TVP23C: variants seen among roughly 807,000 people sequenced by gnomAD.
TVP23C encodes Golgi apparatus membrane protein TVP23 homolog C.
Under a neutral mutation model 28.7 loss-of-function variants are expected in TVP23C, and 19 were observed. The observed-to-expected ratio is 0.66, with a 90% CI of 0.46 to 0.97. The LOEUF (loss-of-function observed/expected upper bound fraction) is 0.97, where lower values mean the gene tolerates loss of function less well. Ranked by LOEUF, TVP23C falls within the 50% of genes least tolerant of loss-of-function variation. The pLI is 0.00. For missense variants in TVP23C, 186 were observed against 241.3 expected (o/e 0.77, Z 1.52); for synonymous variants, 68 against 81.7 (o/e 0.83, Z 0.90).
intron 5 of TVP23C, among the ~76,000 whole-genome samples, chr17:15,526,759 T>C (rs1982745478): frequency 6.6e-6 from 1 of 152,146 alleles, no homozygotes; most frequent in African/African-American, 2.4e-5. Flanking sequence ...GAACTGGGGC[T>C]TGGGGAGAAA....
intron 5 of TVP23C, among the ~76,000 whole-genome samples, chr17:15,506,355 G>C (rs1981739872): frequency 6.6e-6 from 1 of 152,058 alleles, no homozygotes; most frequent in Non-Finnish European, 1.5e-5. Context: ...CTAGCTCAGG[G>C]TTTGTGAGTG....
At chr17:15,512,566 C>G (rs577176625) in intron 5 of TVP23C, among the ~76,000 whole-genome samples, 1 of 152,226 alleles carries the variant, frequency 6.6e-6, no homozygotes, top group South Asian at 2.1e-4. Flanking sequence ...AAATCCAGTC[C>G]CCAAGTGGAA....
chr17:15,533,833 T>C (rs1365236484), downstream of TVP23C, among the ~76,000 whole-genome samples: 11 of 152,298 alleles, frequency 7.2e-5, no homozygotes, highest in Admixed American at 6.5e-5. Context: ...AGTGTAAACA[T>C]TGAAATTTTT....
chr17:15,542,371 T>A (rs2150849889), intron 5 of TVP23C, among the ~76,000 whole-genome samples: 1 of 152,312 alleles, frequency 6.6e-6, no homozygotes, highest in Non-Finnish European at 1.5e-5. Context: ...GAGATGATCA[T>A]CTTAAGAGAA....
intron 2 of TVP23C, among the ~76,000 whole-genome samples, chr17:15,554,397 C>A (rs550240900): frequency 6.6e-6 from 1 of 151,896 alleles, no homozygotes; most frequent in Non-Finnish European, 1.5e-5. Flanking sequence ...GCCACCACGC[C>A]CGGCTAATTT....
chr17:15,530,693 C>A (rs1196201779), intron 5 of TVP23C: 1 of 150,906 alleles, frequency 6.6e-6, no homozygotes, highest in Non-Finnish European at 1.5e-5. Flanking sequence ...TTTAGCATTT[C>A]TTTTAAGGCA....
At chr17:15,522,506 C>T (rs28688878) in intron 5 of TVP23C, among the ~76,000 whole-genome samples, 1,879 of 152,240 alleles carry the variant, frequency 0.012, 51 homozygotes, top group African/African-American at 0.043. Flanking sequence ...TTATTCAATA[C>T]AGGGTGCTGA....
Position 15,553,794 on chromosome 17 carries a change from C to A in TVP23C, c.131G>T (p.Arg44Leu). 1 of 1,613,812 alleles carries A rather than the reference C, an allele frequency of 6.2e-7. No homozygotes were observed. The highest frequency in any genetic ancestry group is 8.5e-7 in the Non-Finnish European group (1 of 1,179,842). Residue 44 changes from arginine to leucine, a missense_variant, in exon 3 of 6, where the codon CGA becomes CTA. By Grantham distance (102) the Arg-to-Leu change is moderately radical. Coordinates refer to ENST00000518321, the MANE Select transcript of TVP23C (RefSeq NM_001135036.2). ...AAGACAGACGATGATTGCACTGACT[C>A]GAAAGAATAAGTGGAAAAACGATGC... The part of the protein sequence containing the change: ...PVASFFHLFF[R>L]VSAIIVCLLC...
downstream of TVP23C, among the ~76,000 whole-genome samples, chr17:15,535,980 TCAGGAATTCGA>T: frequency 6.6e-6 from 1 of 152,108 alleles, no homozygotes; most frequent in African/African-American, 2.4e-5. Flanking sequence ...TCACCTAAGG[TCAGGAATTCGA>T]GACTAGCCTG....
intron 5 of TVP23C, among the ~76,000 whole-genome samples, chr17:15,542,339 G>A (rs992030712): frequency 1.1e-4 from 16 of 152,190 alleles, no homozygotes; most frequent in Admixed American, 2.0e-4. Flanking sequence ...GAGACGAAGC[G>A]CAGAAGGATC....
At chr17:15,506,571 C>T (rs1312102264) in intron 5 of TVP23C, among the ~76,000 whole-genome samples, 2 of 152,222 alleles carry the variant, frequency 1.3e-5, no homozygotes, top group Non-Finnish European at 2.9e-5. Flanking sequence ...GGTCCCCTTC[C>T]ACACTGCGGA....
rs185819770 is a variant in TVP23C at position 15,517,786 on chromosome 17, G to A, written c.463-14554C>T. ...CCAGATGACTACACAGCTGGCAGGC[G>A]GCAGAAACAGAAGGTGAGCTCAGAA... On this transcript the variant is annotated intron_variant, in intron 5 of 5. Transcript: ENST00000225576. Among the ~76,000 whole-genome samples the A allele has an allele frequency of 1.1e-4, 16 of 152,226 alleles. No homozygotes were observed. In the East Asian group the frequency reaches 1.2e-3, roughly 11 times the overall value.
intron 5 of TVP23C, among the ~76,000 whole-genome samples, chr17:15,523,991 C>A (rs927043913): frequency 2.6e-5 from 4 of 151,764 alleles, no homozygotes; most frequent in African/African-American, 9.7e-5. Context: ...ATACGCACTA[C>A]AAAACACTGC....
intron 3 of TVP23C, among the ~76,000 whole-genome samples, chr17:15,553,387 T>C (rs1430861950): frequency 2.0e-5 from 3 of 152,082 alleles, no homozygotes; most frequent in African/African-American, 4.8e-5. Context: ...GAAGCAACAT[T>C]GTAGGGTCTA....
intron 5 of TVP23C, among the ~76,000 whole-genome samples, chr17:15,524,109 T>TG (rs1982618711): frequency 6.8e-6 from 1 of 146,140 alleles, no homozygotes; most frequent in East Asian, 2.1e-4. Context: ...TGTGTGTGTG[T>TG]TACTCCCGTC....
intron 5 of TVP23C, among the ~76,000 whole-genome samples, chr17:15,514,710 AAAT>A (rs1490680020): frequency 6.6e-6 from 1 of 152,220 alleles, no homozygotes; most frequent in East Asian, 1.9e-4. Context: ...TAAACACATA[AAAT>A]AATACAAAAT....
chr17:15,556,570 A>C (rs2150861724), intron 1 of TVP23C, among the ~76,000 whole-genome samples: 1 of 151,824 alleles, frequency 6.6e-6, no homozygotes, highest in Admixed American at 6.6e-5. Context: ...CACCGTGTTA[A>C]CCAGGAGATT....
intron 5 of TVP23C, among the ~76,000 whole-genome samples, chr17:15,528,817 C>G (rs1287151597): frequency 6.6e-6 from 1 of 151,048 alleles, no homozygotes; most frequent in East Asian, 1.9e-4. Flanking sequence ...AGGCTGGTCT[C>G]GAACTCCTGA....
rs546651442 is a variant in TVP23C, at chr17:15,551,109, A to G, written c.240+2576T>C. On this transcript the variant is annotated intron_variant, in intron 3 of 5. Transcript: ENST00000518321. ...ACGACTGGTTTTAAATTTTACTAAT[A>G]GTTGCCATTATTGTTTTTTTTTTTT... Among the ~76,000 whole-genome samples, 20 of 150,482 alleles carry G rather than the reference A, an allele frequency of 1.3e-4. No homozygotes were observed. The East Asian group carries it at 3.9e-3, about 29-fold the overall frequency.
Sources: allele counts gnomAD v4.1 joint callset (sites outside exome capture counted in the v4.1 genomes callset), GRCh38; gene constraint gnomAD v4.1.1; transcripts MANE v1.5; gene names NCBI Gene and HGNC (gene_info 2026-07-23, HGNC 2026-07-21).